DCTD: variants seen among roughly 807,000 people sequenced by gnomAD.
DCTD encodes dCMP deaminase, also known as deoxycytidylate deaminase.
A neutral mutation model predicts 21.0 loss-of-function variants in DCTD; 23 were observed. The observed-to-expected ratio is 1.09, with a 90% CI of 0.79 to 1.55. DCTD has a LOEUF of 1.55. Among genes scored for constraint, DCTD ranks in the 40% most tolerant of loss-of-function variants. DCTD has a pLI of 0.00. For missense variants in DCTD, 224 were observed against 230.0 expected, an observed-to-expected ratio of 0.97 and a Z score of 0.17; for synonymous variants, 71 against 81.1, an observed-to-expected ratio of 0.88 and a Z score of 0.67.
At chr4:182,900,472 C>G in intron 3 of DCTD, among the ~76,000 whole-genome samples, 1 of 152,022 alleles carries the variant, frequency 6.6e-6, no homozygotes, top group Non-Finnish European at 1.5e-5. Flanking sequence ...TGAACTGCAG[C>G]AAGAGCTACA....
In DCTD at chr4:182,909,629, T is replaced by G. The variant is rs573142811; in HGVS notation, c.244+5294A>C. 2.6e-5 allele frequency among the ~76,000 whole-genome samples: 4 copies of G among 152,354 alleles called. No homozygotes were observed. In the East Asian group the frequency reaches 7.7e-4, roughly 29 times the overall value. ...AATTTCAGGACGGAAAGAACAAATT[T>G]GATCTTAATTACTAAGAAGCTCTTA... On this transcript the variant is annotated intron_variant, in intron 3 of 5. Coordinates refer to ENST00000438320, the MANE Select transcript of DCTD (RefSeq NM_001921.3).
At chr4:182,909,684 G>A (rs919865991) in intron 3 of DCTD, among the ~76,000 whole-genome samples, 2 of 152,180 alleles carry the variant, frequency 1.3e-5, no homozygotes, top group African/African-American at 4.8e-5. Context: ...ATCTTAAGAA[G>A]GATCAGCCTC....
At chr4:182,896,919 A>T (rs1734833255) in intron 3 of DCTD, among the ~76,000 whole-genome samples, 2 of 152,212 alleles carry the variant, frequency 1.3e-5, no homozygotes, top group South Asian at 4.1e-4. Context: ...AAGTACTGGA[A>T]GTCCTCTTAA....
chr4:182,892,706 C>A (rs1734017030), intron 5 of DCTD, among the ~76,000 whole-genome samples: 2 of 152,154 alleles, frequency 1.3e-5, no homozygotes, highest in African/African-American at 4.8e-5. Context: ...AAAGTTGTTA[C>A]ATTTGCAAAA....
intron 3 of DCTD, among the ~76,000 whole-genome samples, chr4:182,905,030 A>C (rs1312321647): frequency 6.6e-6 from 1 of 152,074 alleles, no homozygotes; most frequent in Non-Finnish European, 1.5e-5. Context: ...TCCTACAAAC[A>C]ATGCAATCCT....
chr4:182,905,513 G>T (rs1736537227), intron 3 of DCTD, among the ~76,000 whole-genome samples: 2 of 151,906 alleles, frequency 1.3e-5, no homozygotes. Context: ...ATTTTTAGTA[G>T]AGACGGGGTT....
At chr4:182,904,619 C>T (rs1362962824) in intron 3 of DCTD, among the ~76,000 whole-genome samples, 1 of 152,174 alleles carries the variant, frequency 6.6e-6, no homozygotes, top group Non-Finnish European at 1.5e-5. Flanking sequence ...AACCGCCCAA[C>T]TCGAGATTCT....
chr4:182,916,702 T>G, intron 1 of DCTD: 1 of 1,033,964 alleles, frequency 9.7e-7, no homozygotes, highest in Non-Finnish European at 1.2e-6. Flanking sequence ...CCATCATCGC[T>G]GTGGGGTGCT....
chr4:182,899,428 G>A (rs1312212656), intron 3 of DCTD, among the ~76,000 whole-genome samples: 1 of 124,076 alleles, frequency 8.1e-6, no homozygotes, highest in African/African-American at 3.1e-5. Flanking sequence ...ATGGAGTTTT[G>A]CTCTTGTTGT....
At chr4:182,898,327 G>A (rs1190695986) in intron 3 of DCTD, among the ~76,000 whole-genome samples, 1 of 152,202 alleles carries the variant, frequency 6.6e-6, no homozygotes, top group African/African-American at 2.4e-5. Context: ...AGGGCAGCAC[G>A]AGGGCTCAAG....
At chr4:182,914,777 G>T (rs1738393922) in intron 3 of DCTD, 146 bp downstream of exon 3, 1 of 887,608 alleles carries the variant, frequency 1.1e-6, no homozygotes, top group Non-Finnish European at 1.7e-6. Context: ...AAGAGACAAG[G>T]CCAGGAAATT....
intron 3 of DCTD, among the ~76,000 whole-genome samples, chr4:182,897,651 T>C (rs1392612906): frequency 1.3e-5 from 2 of 152,040 alleles, no homozygotes; most frequent in Non-Finnish European, 2.9e-5. Flanking sequence ...GAAACTCAAG[T>C]GTTCGGTGGA....
intron 3 of DCTD, among the ~76,000 whole-genome samples, chr4:182,911,941 T>TTAAAAGAGG (rs1371846239): frequency 2.0e-5 from 3 of 152,170 alleles, no homozygotes; most frequent in Non-Finnish European, 4.4e-5. Context: ...AAGAGGGTCC[T>TTAAAAGAGG]GTACATTCAA....
intron 3 of DCTD, among the ~76,000 whole-genome samples, chr4:182,895,032 T>C (rs975987089): frequency 6.6e-6 from 1 of 152,226 alleles, no homozygotes; most frequent in African/African-American, 2.4e-5. Context: ...GTGTCCATCC[T>C]GAGGGATCTG....
intron 3 of DCTD, among the ~76,000 whole-genome samples, chr4:182,895,788 C>T (rs1014190382): frequency 6.6e-6 from 1 of 152,210 alleles, no homozygotes; most frequent in Non-Finnish European, 1.5e-5. Flanking sequence ...CACCCTTAGG[C>T]GCTTCCAAAA....
intron 3 of DCTD, among the ~76,000 whole-genome samples, chr4:182,896,326 G>A (rs1734727958): frequency 6.6e-6 from 1 of 152,226 alleles, no homozygotes. Flanking sequence ...CAATGTTGCA[G>A]GCATAAGGCT....
chr4:182,895,085 C>G (rs900963785), intron 3 of DCTD, among the ~76,000 whole-genome samples: 1 of 152,240 alleles, frequency 6.6e-6, no homozygotes, highest in Non-Finnish European at 1.5e-5. Context: ...CAAGGAAAAA[C>G]GCCAGCAGCC....
chr4:182,910,310 C>T (rs910197457), intron 3 of DCTD, among the ~76,000 whole-genome samples: 2 of 152,152 alleles, frequency 1.3e-5, no homozygotes, highest in African/African-American at 2.4e-5. Flanking sequence ...AGTTTAACAA[C>T]GGGAACAAGT....
rs751583650 is a variant in DCTD, at chr4:182,909,200, ATTAT to A, written c.244+5719_244+5722del. Among the ~76,000 whole-genome samples the A allele has an allele frequency of 2.1e-4, 32 of 152,336 alleles. No individual in the cohort carries two copies. In the East Asian group the frequency reaches 2.9e-3, roughly 14 times the overall value. On this transcript the variant is annotated intron_variant, in intron 3 of 5. Transcript: ENST00000438320. ...TCAAAATAAATTATATTAAAATATC[ATTAT>A]TTATTCCTTTCTGAAAACTGTTTAT...
Sources: allele counts gnomAD v4.1 joint callset (sites outside exome capture counted in the v4.1 genomes callset), GRCh38; gene constraint gnomAD v4.1.1; transcripts MANE v1.5; gene names NCBI Gene and HGNC (gene_info 2026-07-23, HGNC 2026-07-21).